The following ANKRD30A variants were observed in gnomAD, a reference collection of about 807,000 sequenced individuals.
ANKRD30A encodes ankyrin repeat domain 30A.
In ANKRD30A, 170 loss-of-function variants were observed where a neutral mutation model predicts 166.3. The observed-to-expected ratio is 1.02, with a 90% CI of 0.90 to 1.16. ANKRD30A has a LOEUF of 1.16. Among genes scored for constraint, ANKRD30A ranks in the 50% most tolerant of loss-of-function variants. The probability of loss-of-function intolerance (pLI) is 0.00; values close to 1 mark genes in which losing one functional copy is unlikely to be tolerated. For missense variants in ANKRD30A, 1,630 were observed against 1,518.0 expected (o/e 1.07, Z -1.23); for synonymous variants, 564 against 508.9 (o/e 1.11, Z -1.46).
intron 12 of ANKRD30A, among the ~76,000 whole-genome samples, chr10:37,153,080 T>C: frequency 6.6e-6 from 1 of 152,180 alleles, no homozygotes; most frequent in East Asian, 1.9e-4. Context: ...TCATATTCTG[T>C]GCATACATTC....
At chr10:37,213,360 C>T (rs571616228) in intron 31 of ANKRD30A, among the ~76,000 whole-genome samples, 4 of 151,852 alleles carry the variant, frequency 2.6e-5, no homozygotes, top group African/African-American at 9.6e-5. Context: ...TTATTTCTAT[C>T]AGGGCATTAA....
At chr10:37,221,014 G>A (rs1389549989) in intron 34 of ANKRD30A, among the ~76,000 whole-genome samples, 2 of 149,546 alleles carry the variant, frequency 1.3e-5, no homozygotes, top group Admixed American at 1.3e-4. Context: ...ATTCCACTGT[G>A]TAGAATTTAC....
Position 37,226,118 on chromosome 10 carries a change from T to TAA in ANKRD30A, c.4186-5342_4186-5341dup, listed in dbSNP as rs911591625. On this transcript the variant is annotated intron_variant, in intron 34 of 35. Coordinates refer to ENST00000361713, the MANE Select transcript of ANKRD30A (RefSeq NM_052997.3). ...TTCTTTTTATTTATATATATATATA[T>TAA]AATTTTACTTTAAGTTCTAGGGTAC... Among the ~76,000 whole-genome samples, 6 of 151,140 alleles carry TAA rather than the reference T, an allele frequency of 4.0e-5. 1 individual carries two copies. The highest frequency in any genetic ancestry group is 4.2e-4 in the South Asian group (2 of 4,806).
Position 37,158,433 on chromosome 10 carries a change from A to C in ANKRD30A, c.1827+13A>C. ...TGGTCTTCTGAAGGTAATAACTTTT[A>C]TATTTTTGTCTTGAGTATCAACTAC... is the stretch of plus-strand genomic sequence containing the variant. On this transcript the variant is annotated intron_variant, in intron 14 of 35. Coordinates refer to ENST00000361713, the MANE Select transcript of ANKRD30A (RefSeq NM_052997.3). 2 of 1,611,860 alleles carry C rather than the reference A, an allele frequency of 1.2e-6. No homozygotes were observed. Among genetic ancestry groups the C allele is most frequent in the Non-Finnish European group, 1.7e-6 (2 of 1,178,480 alleles).
intron 6 of ANKRD30A, among the ~76,000 whole-genome samples, chr10:37,137,412 G>A (rs189753952): frequency 5.9e-5 from 9 of 152,304 alleles, no homozygotes; most frequent in South Asian, 2.1e-4. Context: ...AGCATGAGCC[G>A]AAGCAGGGCG....
chr10:37,157,331 T>A (rs1838461592), intron 13 of ANKRD30A, among the ~76,000 whole-genome samples: 3 of 152,214 alleles, frequency 2.0e-5, no homozygotes, highest in Non-Finnish European at 4.4e-5. Flanking sequence ...TGCAGGTGAA[T>A]GATATGTAAA....
the ANKRD30A span, among the ~76,000 whole-genome samples, chr10:37,241,566 A>G: frequency 1.3e-5 from 2 of 152,080 alleles, no homozygotes; most frequent in African/African-American, 2.4e-5. Context: ...TAAACAAGCA[A>G]AACTACCAAG....
At chr10:37,193,583 A>G (rs2801983) in intron 27 of ANKRD30A, among the ~76,000 whole-genome samples, 27,496 of 151,358 alleles carry the variant, frequency 0.18, 2,708 homozygotes, top group East Asian at 0.19. Flanking sequence ...GCAGTGGTTC[A>G]AAGGCTGATT....
rs756725600 is a variant in ANKRD30A at position 37,193,082 on chromosome 10, G to T, written c.2531G>T (p.Gly844Val). The T allele has an allele frequency of 6.2e-6, 10 of 1,608,946 alleles. No homozygotes were observed. In the South Asian group the frequency reaches 1.1e-4, roughly 18 times the overall value. ...CTTTTAGAGTCTCCTGATAATGATG[G>T]TTTTCTGAAGGTAATAACTTTTATA... ...GKLEESPDND[G>V]FLKAPCRMKV... The change falls in exon 26 of 36, where the codon GGT becomes GTT. Residue 844 changes from glycine to valine, a missense_variant. Gly to Val is a moderately radical substitution (Grantham distance 109, BLOSUM62 -3). Around this residue, in one of 4 missense-constraint regions of ANKRD30A, gnomAD observed 712 missense variants for 629.3 expected, o/e 1.13. Coordinates refer to ENST00000361713, the MANE Select transcript of ANKRD30A (RefSeq NM_052997.3).
At chr10:37,134,805 A>G (rs1024813199) in intron 5 of ANKRD30A, among the ~76,000 whole-genome samples, 3 of 152,016 alleles carry the variant, frequency 2.0e-5, no homozygotes, top group East Asian at 1.9e-4. Context: ...ACTTTTTTCT[A>G]TTTTCTCTTG....
downstream of ANKRD30A, chr10:37,232,697 T>TATATATATAGAGAGAGAGAGAG (rs1273812991): frequency 1.3e-5 from 1 of 78,400 alleles, no homozygotes; most frequent in African/African-American, 4.9e-5. Context: ...TATATATAAA[T>TATATATATAGAGAGAGAGAGAG]AGAGAGAGAG....
chr10:37,259,493 A>T, the ANKRD30A span, among the ~76,000 whole-genome samples: 1 of 152,232 alleles, frequency 6.6e-6, no homozygotes, highest in Admixed American at 6.5e-5. Flanking sequence ...CAGCAATTTC[A>T]TACTTGTTAT....
intron 25 of ANKRD30A, 111 bp downstream of exon 25, chr10:37,189,668 G>GA (rs879604258): frequency 3.2e-5 from 18 of 559,932 alleles, no homozygotes; most frequent in Non-Finnish European, 4.2e-5. Flanking sequence ...GCAAACCATG[G>GA]AAAAAAAGAG....
intron 24 of ANKRD30A, among the ~76,000 whole-genome samples, chr10:37,179,243 C>G (rs1310854136): frequency 6.6e-6 from 1 of 150,842 alleles, no homozygotes; most frequent in Non-Finnish European, 1.5e-5. Context: ...AACCATAAAA[C>G]TCTGAATTTA....
intron 31 of ANKRD30A, among the ~76,000 whole-genome samples, chr10:37,207,567 A>G (rs1013791629): frequency 6.6e-6 from 1 of 151,910 alleles, no homozygotes; most frequent in East Asian, 1.9e-4. Flanking sequence ...CACTTTTGAT[A>G]TAGTTTGAAC....
the ANKRD30A span, among the ~76,000 whole-genome samples, chr10:37,241,776 T>C: frequency 6.6e-6 from 1 of 152,170 alleles, no homozygotes; most frequent in East Asian, 1.9e-4. Context: ...AAATAAGGTT[T>C]TCCTAAGACT....
At chr10:37,198,203 A>G (rs1364145189) in intron 29 of ANKRD30A, among the ~76,000 whole-genome samples, 2 of 152,226 alleles carry the variant, frequency 1.3e-5, no homozygotes, top group Middle Eastern at 6.8e-3. Flanking sequence ...TAAACATTTT[A>G]CAACATGTGT....
At chr10:37,226,881 T>C (rs1843180971) in intron 34 of ANKRD30A, among the ~76,000 whole-genome samples, 1 of 151,932 alleles carries the variant, frequency 6.6e-6, no homozygotes, top group South Asian at 2.1e-4. Flanking sequence ...GGCACCCCTC[T>C]GTGGTTTTAT....
intron 6 of ANKRD30A, among the ~76,000 whole-genome samples, chr10:37,139,048 C>A (rs1304530821): frequency 6.6e-6 from 1 of 152,120 alleles, no homozygotes; most frequent in Non-Finnish European, 1.5e-5. Context: ...CGCTACAAGC[C>A]AGAAGAGAGT....
Sources: allele counts gnomAD v4.1 joint callset (sites outside exome capture counted in the v4.1 genomes callset), GRCh38; gene constraint gnomAD v4.1.1; regional missense constraint gnomAD v4.1.1; transcripts MANE v1.5; gene names NCBI Gene and HGNC (gene_info 2026-07-23, HGNC 2026-07-21).